Variants in RASEF observed in about 807,000 individuals in gnomAD.
RASEF encodes ras and EF-hand domain-containing protein.
A neutral mutation model predicts 90.1 loss-of-function variants in RASEF; 68 were observed. That is an observed-to-expected ratio of 0.75 (90% CI 0.62 to 0.92). The LOEUF (loss-of-function observed/expected upper bound fraction) is 0.92. Among genes scored for constraint, RASEF ranks in the 40% least tolerant of loss-of-function variants. The pLI is 0.00. For missense variants in RASEF, 949 were observed against 937.2 expected (o/e 1.01, Z -0.16); for synonymous variants, 331 against 345.2 (o/e 0.96, Z 0.46).
chr9:83,166,580 G>A, the RASEF span, among the ~76,000 whole-genome samples: 1 of 152,168 alleles, frequency 6.6e-6, no homozygotes, highest in South Asian at 2.1e-4. Context: ...AAAATAACAT[G>A]TGGCGGTACG....
the RASEF span, among the ~76,000 whole-genome samples, chr9:83,126,870 G>T: frequency 1.3e-5 from 2 of 151,960 alleles, no homozygotes; most frequent in Non-Finnish European, 2.9e-5. Context: ...AGTTACTAGG[G>T]CTATTATGGG....
At position 83,062,464 on chromosome 9, in the gene RASEF, A is replaced by G. The variant is rs1467450424; in HGVS notation, c.404T>C (p.Leu135Pro). Residue 135 changes from leucine to proline, a missense_variant, in exon 1 of 17, where the codon CTT (leucine) becomes CCT (proline). Leu to Pro is a moderately conservative substitution (Grantham distance 98). This residue lies in a region of RASEF where 656 missense variants were observed against 592.2 expected (regional missense o/e 1.11). Transcript: ENST00000376447. ...GGGAATGAACTTGGCTTCGTCCCCAAGTCGCGCCTGGAAATCCTGCCAAGC... is the reference window on the plus strand; with the variant it reads ...GGGAATGAACTTGGCTTCGTCCCCAGGTCGCGCCTGGAAATCCTGCCAAGC... ...GRAWQDFQAR[L>P]GDEAKFIPRE... The G allele has an allele frequency of 1.1e-5, 17 of 1,612,854 alleles. No individual in the cohort carries two copies. Among genetic ancestry groups the G allele is most frequent in the Non-Finnish European group, 1.4e-5 (16 of 1,179,704 alleles).
chr9:83,086,156 T>C, the RASEF span, among the ~76,000 whole-genome samples: 16 of 152,304 alleles, frequency 1.1e-4, no homozygotes, highest in Admixed American at 7.2e-4. Context: ...CTAGGTGTTA[T>C]GCGTATGTGA....
At chr9:83,165,045 C>T in the RASEF span, among the ~76,000 whole-genome samples, 4 of 151,942 alleles carry the variant, frequency 2.6e-5, no homozygotes, top group Admixed American at 2.0e-4. Flanking sequence ...ATAAATGAAT[C>T]CATTATTATA....
At chr9:83,045,582 C>T (rs1336343210) in intron 1 of RASEF, among the ~76,000 whole-genome samples, 1 of 152,172 alleles carries the variant, frequency 6.6e-6, no homozygotes, top group East Asian at 1.9e-4. Context: ...ATGCATTATC[C>T]TTTTAGACCA....
In RASEF at chr9:83,062,773, T is replaced by C. The variant is rs768728025; in HGVS notation, c.95A>G (p.Glu32Gly). ...ANRSGRLERE[E>G]FRALCTELRV... ...CAGCTCCGTGCACAGTGCCCGGAAC[T>C]CCTCGCGCTCCAGGCGCCCCGAGCG... Residue 32 changes from glutamate to glycine, a missense_variant, in exon 1 of 17, where the codon GAG becomes GGG. Around this residue, in one of 3 missense-constraint regions of RASEF, gnomAD observed 656 missense variants for 592.2 expected, o/e 1.11. Coordinates refer to ENST00000376447, the MANE Select transcript of RASEF (RefSeq NM_152573.4). The C allele has an allele frequency of 6.4e-7, 1 of 1,558,762 alleles. No homozygotes were observed.
At chr9:83,177,445 T>C in the RASEF span, among the ~76,000 whole-genome samples, 1 of 152,160 alleles carries the variant, frequency 6.6e-6, no homozygotes, top group African/African-American at 2.4e-5. Context: ...CGTCTTCATT[T>C]TTGGAAGATT....
chr9:83,026,312 G>A (rs371147400), intron 1 of RASEF, among the ~76,000 whole-genome samples: 27 of 152,130 alleles, frequency 1.8e-4, no homozygotes, highest in African/African-American at 6.5e-4. Context: ...CATAACAGTG[G>A]GTGTATTAGT....
At chr9:83,189,389 G>A in the RASEF span, among the ~76,000 whole-genome samples, 2 of 152,166 alleles carry the variant, frequency 1.3e-5, no homozygotes, top group African/African-American at 2.4e-5. Context: ...AAATTACCCA[G>A]TCTTGGGTAT....
At chr9:83,130,659 C>A in the RASEF span, among the ~76,000 whole-genome samples, 1 of 152,154 alleles carries the variant, frequency 6.6e-6, no homozygotes, top group Non-Finnish European at 1.5e-5. Flanking sequence ...TGAGTACCTG[C>A]TGCGTGTTAA....
At chr9:83,156,193 T>C in the RASEF span, among the ~76,000 whole-genome samples, 2 of 152,216 alleles carry the variant, frequency 1.3e-5, no homozygotes, top group African/African-American at 4.8e-5. Context: ...CATACTCTTC[T>C]CTCTGATCTT....
intron 1 of RASEF, among the ~76,000 whole-genome samples, chr9:83,061,957 G>C (rs897156777): frequency 6.6e-6 from 1 of 152,238 alleles, no homozygotes; most frequent in Non-Finnish European, 1.5e-5. Context: ...TTTGTGTCCA[G>C]CAATGTAAAA....
chr9:83,124,758 A>G, the RASEF span, among the ~76,000 whole-genome samples: 2 of 152,156 alleles, frequency 1.3e-5, no homozygotes, highest in African/African-American at 4.8e-5. Context: ...TCAGCTTTGG[A>G]AAACATAGAT....
the RASEF span, among the ~76,000 whole-genome samples, chr9:83,152,875 T>C: frequency 6.6e-6 from 1 of 152,158 alleles, no homozygotes; most frequent in Non-Finnish European, 1.5e-5. Context: ...TTAGGCACTG[T>C]TGACAAGACT....
At position 82,982,710 on chromosome 9, in the gene RASEF, C is replaced by G; in HGVS notation, c.2190G>C (p.Lys730Asn). 2 of 1,609,282 alleles carry G rather than the reference C, an allele frequency of 1.2e-6. No individual in the cohort carries two copies. Among genetic ancestry groups the G allele is most frequent in the South Asian group, 1.1e-5 (1 of 90,994 alleles). The change falls in exon 17 of 17, where the codon AAG (lysine) becomes AAC (asparagine). Residue 730 changes from lysine to asparagine, a missense_variant. This residue lies in a region of RASEF where 288 missense variants were observed against 328.4 expected (regional missense o/e 0.88). Transcript: ENST00000376447. ...ITNLTGTNSK[K>N]SPQMKNCCNG Reference sequence around the variant, plus strand: ...TGCAACAATTCTTCATCTGTGGTGACTTTTTGGAATTGGTCCCGGTTAGAT... The same window carrying G: ...TGCAACAATTCTTCATCTGTGGTGAGTTTTTGGAATTGGTCCCGGTTAGAT...
intron 1 of RASEF, among the ~76,000 whole-genome samples, chr9:83,027,362 C>T (rs1442918027): frequency 6.6e-6 from 1 of 152,176 alleles, no homozygotes; most frequent in Non-Finnish European, 1.5e-5. Context: ...TTCCAACCTT[C>T]TAATCACGTC....
chr9:83,025,914 G>T lies in RASEF; in HGVS notation c.439C>A (p.Gln147Lys). Residue 147 changes from glutamine (Q) to lysine (K), a missense_variant, in exon 2 of 17, where the codon CAA becomes AAA. By Grantham distance (53) the Gln-to-Lys change is moderately conservative (BLOSUM62 1). Coordinates refer to ENST00000376447, the MANE Select transcript of RASEF (RefSeq NM_152573.4). ...ATGTTTTGGTACAAGGTACTAACTTGCTCTTCTCTGCCAAATAAATAAATA... is the reference window on the plus strand; with the variant it reads ...ATGTTTTGGTACAAGGTACTAACTTTCTCTTCTCTGCCAAATAAATAAATA... The part of the protein sequence containing the change: ...DEAKFIPREE[Q>K]VSTLYQNINL... 1 of 1,580,680 alleles carries T rather than the reference G, an allele frequency of 6.3e-7. No homozygotes were observed. Among genetic ancestry groups the T allele is most frequent in the Non-Finnish European group, 8.6e-7 (1 of 1,166,672 alleles).
In RASEF at chr9:83,005,343, C is replaced by T. The variant is rs1361731828; in HGVS notation, c.1113+73G>A. The T allele has an allele frequency of 2.8e-6, 3 of 1,071,214 alleles. No individual in the cohort carries two copies. In the East Asian group the frequency reaches 7.1e-5, roughly 25 times the overall value. The allele number at this position is 1,071,214 out of a possible 1,614,324, so 66.4% of individuals were successfully genotyped here. ...CTTGAGGCTCTCCTTTAAGAAATTACATTATTTTCATCAACACCAAAATAC... is the reference window on the plus strand; with the variant it reads ...CTTGAGGCTCTCCTTTAAGAAATTATATTATTTTCATCAACACCAAAATAC... On this transcript the variant is annotated intron_variant, in intron 8 of 16. Transcript: ENST00000376447.
At position 83,049,529 on chromosome 9, in the gene RASEF, C is replaced by CTTTTTTTT. The variant is rs10687615; in HGVS notation, c.431+12900_431+12907dup. 9.9e-3 allele frequency among the ~76,000 whole-genome samples: 982 copies of CTTTTTTTT among 98,882 alleles called. 3 individuals are homozygous for CTTTTTTTT. The highest frequency in any genetic ancestry group is 0.018 in the African/African-American group (417 of 23,150). 64.9% of individuals were successfully genotyped at this position (98,882 alleles called of 152,430 possible). Reference sequence around the variant, plus strand: ...ATGCACAGCCCACCTTTCTGCCTTCCTTTTTTTTTTTTTTTTTTTTTTTAT... The same window carrying CTTTTTTTT: ...ATGCACAGCCCACCTTTCTGCCTTCCTTTTTTTTTTTTTTTTTTTTTTTTTTTTTTTAT... On this transcript the variant is annotated intron_variant, in intron 1 of 16. Coordinates refer to ENST00000376447, the MANE Select transcript of RASEF (RefSeq NM_152573.4).
Sources: gnomAD v4.1 joint callset for allele counts (sites outside exome capture counted in the v4.1 genomes callset) on GRCh38, gnomAD v4.1.1 for gene constraint, gnomAD v4.1.1 regional missense constraint, MANE v1.5 for transcripts, NCBI Gene and HGNC (gene_info 2026-07-23, HGNC 2026-07-21) for gene names.